The following NTN4 variants were observed in gnomAD, a reference collection of about 807,000 sequenced individuals.
The protein encoded by NTN4 is netrin 4.
In NTN4, 32 loss-of-function variants were observed where a neutral mutation model predicts 73.6. The ratio of observed to expected loss-of-function variants is 0.44; its 90% CI spans 0.33 to 0.58. NTN4 has a LOEUF of 0.58. Ranked by LOEUF, NTN4 falls within the 20% of genes least tolerant of loss-of-function variation. The pLI is 0.04. For missense variants in NTN4, 654 were observed against 798.3 expected, an observed-to-expected ratio of 0.82 and a Z score of 2.18; for synonymous variants, 258 against 287.5, an observed-to-expected ratio of 0.90 and a Z score of 1.04.
chr12:95,741,487 A>C (rs2078826519), intron 2 of NTN4, among the ~76,000 whole-genome samples: 1 of 119,464 alleles, frequency 8.4e-6, no homozygotes, highest in Non-Finnish European at 1.7e-5. Context: ...CCTCCATGCC[A>C]ACCTGGAGGA....
At chr12:95,712,703 G>A (rs528689373) in intron 4 of NTN4, among the ~76,000 whole-genome samples, 6 of 151,364 alleles carry the variant, frequency 4.0e-5, no homozygotes, top group Non-Finnish European at 7.4e-5. Flanking sequence ...CCGGTTTCAA[G>A]TGATTCTTGT....
In NTN4 at chr12:95,692,048, TG is replaced by T. The variant is rs536156566; in HGVS notation, c.1181-8338del. Among the ~76,000 whole-genome samples, 36 of 152,226 alleles carry T rather than the reference TG, an allele frequency of 2.4e-4. No individual in the cohort carries two copies. The East Asian group carries it at 6.6e-3, about 28-fold the overall frequency. On this transcript the variant is annotated intron_variant, in intron 5 of 9. Transcript: ENST00000343702. ...ACTTACTTTGAATAGTACCTTTTTT[TG>T]GGGGGGACAGAGTTTCGCTCTTGTC...
chr12:95,752,208 C>G (rs998611001), intron 2 of NTN4, among the ~76,000 whole-genome samples: 1 of 151,742 alleles, frequency 6.6e-6, no homozygotes, highest in African/African-American at 2.4e-5. Flanking sequence ...TCGCCTGCTA[C>G]AGCATGGCCT....
intron 2 of NTN4, among the ~76,000 whole-genome samples, chr12:95,739,608 G>A (rs535714922): frequency 6.6e-6 from 1 of 152,210 alleles, no homozygotes; most frequent in African/African-American, 2.4e-5. Flanking sequence ...TCCAAACACT[G>A]ACATTTCTGT....
intron 5 of NTN4, among the ~76,000 whole-genome samples, chr12:95,693,182 G>A (rs1288824193): frequency 1.3e-5 from 2 of 152,092 alleles, no homozygotes; most frequent in African/African-American, 4.8e-5. Flanking sequence ...TTGAGTGAGG[G>A]AAGAGAGAAG....
chr12:95,730,870 C>T (rs188569979), intron 3 of NTN4, among the ~76,000 whole-genome samples: 3 of 152,228 alleles, frequency 2.0e-5, no homozygotes, highest in Admixed American at 2.0e-4. Context: ...GACAGGATTA[C>T]CTATTCCTCC....
chr12:95,695,566 T>C (rs2078435208), intron 5 of NTN4, among the ~76,000 whole-genome samples: 1 of 152,128 alleles, frequency 6.6e-6, no homozygotes, highest in Non-Finnish European at 1.5e-5. Context: ...GGTTTCACCA[T>C]GTTGGCCAGG....
chr12:95,733,410 A>T (rs1429367423), intron 3 of NTN4, among the ~76,000 whole-genome samples: 1 of 152,242 alleles, frequency 6.6e-6, no homozygotes, highest in African/African-American at 2.4e-5. Context: ...ATTGGCAAAG[A>T]AGTGTATGAA....
intron 5 of NTN4, among the ~76,000 whole-genome samples, chr12:95,687,449 G>A (rs1436023466): frequency 6.6e-6 from 1 of 151,562 alleles, no homozygotes; most frequent in Non-Finnish European, 1.5e-5. Context: ...TGTCCAGGGT[G>A]TAGTGCAGTG....
At chr12:95,689,654 A>G (rs1480530124) in intron 5 of NTN4, among the ~76,000 whole-genome samples, 1 of 152,166 alleles carries the variant, frequency 6.6e-6, no homozygotes, top group African/African-American at 2.4e-5. Context: ...GAAAAGTGGG[A>G]TTCAACACCC....
chr12:95,761,994 C>A (rs1259330213), intron 2 of NTN4, among the ~76,000 whole-genome samples: 5 of 151,814 alleles, frequency 3.3e-5, no homozygotes, highest in African/African-American at 1.2e-4. Context: ...TTATAAAATG[C>A]ATATATATAC....
chr12:95,765,324 C>A (rs1029641859), intron 2 of NTN4, among the ~76,000 whole-genome samples: 1 of 152,190 alleles, frequency 6.6e-6, no homozygotes, highest in African/African-American at 2.4e-5. Flanking sequence ...AACTCCCACT[C>A]TATTATTGCC....
intron 5 of NTN4, among the ~76,000 whole-genome samples, chr12:95,704,681 T>A (rs2078510605): frequency 6.6e-6 from 1 of 152,132 alleles, no homozygotes; most frequent in Non-Finnish European, 1.5e-5. Flanking sequence ...AATGTTGGGA[T>A]CTACTGCAGG....
chr12:95,674,709 T>C (rs1295681102), intron 7 of NTN4, among the ~76,000 whole-genome samples: 1 of 152,208 alleles, frequency 6.6e-6, no homozygotes, highest in Non-Finnish European at 1.5e-5. Context: ...GTAGATTGTT[T>C]TCAGTGCTTA....
intron 3 of NTN4, among the ~76,000 whole-genome samples, chr12:95,722,795 T>A (rs1036243983): frequency 6.6e-6 from 1 of 151,874 alleles, no homozygotes; most frequent in African/African-American, 2.4e-5. Context: ...GCCAGCATAG[T>A]GAAACTCTGT....
At chr12:95,712,787 C>CTTTTTTTTTTT (rs35614636) in intron 4 of NTN4, among the ~76,000 whole-genome samples, 467 of 105,670 alleles carry the variant, frequency 4.4e-3, no homozygotes, top group Middle Eastern at 0.013. Context: ...TTCTTTCTTT[C>CTTTTTTTTTTT]TTTTTTTTTT....
intron 9 of NTN4, among the ~76,000 whole-genome samples, chr12:95,661,893 G>C (rs1233623785): frequency 6.6e-6 from 1 of 152,152 alleles, no homozygotes; most frequent in Non-Finnish European, 1.5e-5. Flanking sequence ...GTGTGATCCT[G>C]GATTGAATAC....
At position 95,713,289 on chromosome 12, in the gene NTN4, T is replaced by C. The variant is rs373667972; in HGVS notation, c.914A>G (p.Gln305Arg). Residue 305 changes from glutamine to arginine, a missense_variant, in exon 4 of 10, where the codon CAG becomes CGG. Transcript: ENST00000343702. Reference sequence around the variant, plus strand: ...GTCATTGTATAACGGGGCACAGTGCTGGCAGTGGCTGCCTGCTGTGTTGTG... The same window carrying C: ...GTCATTGTATAACGGGGCACAGTGCCGGCAGTGGCTGCCTGCTGTGTTGTG... The part of the protein sequence containing the change: ...CKHNTAGSHC[Q>R]HCAPLYNDRP... 5 of 1,612,730 alleles carry C rather than the reference T, an allele frequency of 3.1e-6. No individual in the cohort carries two copies. In the African/African-American group the frequency reaches 6.7e-5, roughly 22 times the overall value.
In NTN4 at chr12:95,790,334, G is replaced by T; in HGVS notation, c.-25C>A. ...TGGCCGGGAGGAGCCGGGAGCAGCC[G>T]GGCCGGGCGGGTGCCGGAGGGAGCC... is the stretch of plus-strand genomic sequence containing the variant. On this transcript the variant is annotated 5_prime_UTR_variant, in exon 1 of 10. Transcript: ENST00000343702. This position sits in a 1 kb window ranked among gnomAD's most constrained non-coding sequence, Gnocchi z 6.5. The T allele has an allele frequency of 6.6e-7, 1 of 1,519,564 alleles. No individual in the cohort carries two copies. Among genetic ancestry groups the T allele is most frequent in the Non-Finnish European group, 8.8e-7 (1 of 1,134,152 alleles). 94.1% of individuals were successfully genotyped at this position (1,519,564 alleles called of 1,614,324 possible). A position where few individuals can be genotyped will look rare whatever the true frequency, so the allele number is the denominator to read the frequency against.
Sources: gnomAD v4.1 joint callset for allele counts (sites outside exome capture counted in the v4.1 genomes callset) on GRCh38, gnomAD v4.1.1 for gene constraint, Gnocchi (gnomAD v3.1) non-coding constraint, MANE v1.5 for transcripts, NCBI Gene and HGNC (gene_info 2026-07-23, HGNC 2026-07-21) for gene names.